BET1L: variants seen among roughly 807,000 people sequenced by gnomAD.
BET1L encodes the protein Bet1 golgi vesicular membrane trafficking protein like, also known as BET1-like protein.
Under a neutral mutation model 12.6 loss-of-function variants are expected in BET1L, and 13 were observed. The ratio of observed to expected loss-of-function variants is 1.03; its 90% CI spans 0.67 to 1.64. The LOEUF (loss-of-function observed/expected upper bound fraction) is 1.64, where lower values mean the gene tolerates loss of function less well. BET1L is among the 40% of genes most tolerant of loss of function. BET1L has a pLI of 0.00. For synonymous variants in BET1L, 60 were observed against 56.9 expected (o/e 1.05, Z -0.25); for missense variants, 154 against 150.7 (o/e 1.02, Z -0.11).
rs1021738610 is a variant in BET1L at position 203,945 on chromosome 11, G to C, written c.*1357C>G. On this transcript the variant is annotated 3_prime_UTR_variant, in exon 4 of 4. Coordinates refer to ENST00000382762, the MANE Select transcript of BET1L (RefSeq NM_001098787.2). ...ATGGATGGAGAAAGGTAGGCTTGCT[G>C]TGTGGAAGGAAGGAGGAGGGGAGGG... The C allele has an allele frequency of 1.3e-5, 2 of 153,536 alleles. No homozygotes were observed. Among genetic ancestry groups the C allele is most frequent in the South Asian group, 4.1e-4 (2 of 4,856 alleles). The allele number at this position is 153,536 out of a possible 1,614,324, so 9.5% of individuals were successfully genotyped here. A position where few individuals can be genotyped will look rare whatever the true frequency, so the allele number is the denominator to read the frequency against.
At position 207,369 on chromosome 11, in the gene BET1L, C is replaced by CGCCTCAGACGTGGCCACAGCT; in HGVS notation, c.-49_-48insAGCTGTGGCCACGTCTGAGGC. On this transcript the variant is annotated 5_prime_UTR_variant, in exon 1 of 4. Coordinates refer to ENST00000382762, the MANE Select transcript of BET1L (RefSeq NM_001098787.2). ...ACGCGGACACCGACGCGGCCACAGC[C>CGCCTCAGACGTGGCCACAGCT]GCCTCAGACGTGGCGCAGTCGCGGG... is the stretch of plus-strand genomic sequence containing the variant. 1 of 1,530,268 alleles carries CGCCTCAGACGTGGCCACAGCT rather than the reference C, an allele frequency of 6.5e-7. No individual in the cohort carries two copies. Among genetic ancestry groups the CGCCTCAGACGTGGCCACAGCT allele is most frequent in the Non-Finnish European group, 8.7e-7 (1 of 1,145,828 alleles). The allele number at this position is 1,530,268 out of a possible 1,614,324, so 94.8% of individuals were successfully genotyped here.
chr11:207,343 G>A lies in BET1L; in HGVS notation c.-22C>T, dbSNP rs777183713. 10 of 1,177,896 alleles carry A rather than the reference G, an allele frequency of 8.5e-6. No individual in the cohort carries two copies. The highest frequency in any genetic ancestry group is 1.3e-5 in the South Asian group (1 of 75,638). 73.0% of individuals were successfully genotyped at this position (1,177,896 alleles called of 1,614,324 possible). A position where few individuals can be genotyped will look rare whatever the true frequency, so the allele number is the denominator to read the frequency against. ...CCATCGTGCCCTGCCCCGGCTCCTC[G>A]ACGCGGACACCGACGCGGCCACAGC... On this transcript the variant is annotated 5_prime_UTR_variant, in exon 1 of 4. Coordinates refer to ENST00000382762, the MANE Select transcript of BET1L (RefSeq NM_001098787.2).
intron 1 of BET1L, 34 bp from the exon 2 acceptor site, chr11:206,077 A>G: frequency 1.3e-6 from 2 of 1,595,470 alleles, no homozygotes; most frequent in African/African-American, 1.3e-5. Flanking sequence ...GGTTGCATCC[A>G]TCGGTGAGCA....
At chr11:205,764 C>T (rs1855135634) in intron 2 of BET1L, 97 bp from the exon 3 acceptor site, 8 of 1,369,860 alleles carry the variant, frequency 5.8e-6, no homozygotes, top group Non-Finnish European at 7.7e-6. Context: ...AACAACTCTG[C>T]CAGACACAGT....
At chr11:207,272 GC>G in intron 1 of BET1L, 30 bp downstream of exon 1, 2 of 1,525,626 alleles carry the variant, frequency 1.3e-6, no homozygotes, top group East Asian at 2.6e-5. Flanking sequence ...GCCCGGCCCT[GC>G]CCCCAACGGC....
At chr11:205,530 AG>A in intron 3 of BET1L, 61 bp from the exon 4 acceptor site, 1 of 1,614,168 alleles carries the variant, frequency 6.2e-7, no homozygotes, top group Admixed American at 1.7e-5. Context: ...CACCCGCACC[AG>A]TGCTGAAGGA....
Position 203,091 on chromosome 11 carries a change from TAC to T in BET1L, c.*2209_*2210del, listed in dbSNP as rs1027148361. On this transcript the variant is annotated 3_prime_UTR_variant, in exon 4 of 4. Coordinates refer to ENST00000382762, the MANE Select transcript of BET1L (RefSeq NM_001098787.2). ...TTTTGGTTTTACTGGTGTCAGGGATTACAGTCAGCAAACCCCACTCATTTACA... is the reference window on the plus strand; with the variant it reads ...TTTTGGTTTTACTGGTGTCAGGGATTAGTCAGCAAACCCCACTCATTTACA... The T allele has an allele frequency of 1.1e-4, 17 of 152,180 alleles. No homozygotes were observed. Among genetic ancestry groups the T allele is most frequent in the African/African-American group, 4.1e-4 (17 of 41,420 alleles). The allele number at this position is 152,180 out of a possible 1,614,324, so 9.4% of individuals were successfully genotyped here. A position where few individuals can be genotyped will look rare whatever the true frequency, so the allele number is the denominator to read the frequency against.
chr11:205,778 G>A (rs1590070347), intron 2 of BET1L, 111 bp from the exon 3 acceptor site: 1 of 1,495,300 alleles, frequency 6.7e-7, no homozygotes, highest in East Asian at 2.3e-5. Flanking sequence ...ACACAGTGGG[G>A]CTGCAGCAGA....
rs1855122893 is a variant in BET1L at position 205,340 on chromosome 11, A to C, written c.298T>G (p.Phe100Val). The change falls in exon 4 of 4, where the codon TTC becomes GTC. Residue 100 changes from phenylalanine to valine, a missense_variant. Phe to Val is a conservative substitution (Grantham distance 50, BLOSUM62 -1). Coordinates refer to ENST00000382762, the MANE Select transcript of BET1L (RefSeq NM_001098787.2). Reference protein sequence around the residue: ...GMAVGLIVAFFILSYFLSRAR... With the variant: ...GMAVGLIVAFVILSYFLSRAR... The stretch of plus-strand genomic sequence containing the variant: ...CTGGACAAGAAGTAGGAGAGGATGA[A>C]GAAGGCCACAATTAGACCCACGGCC... 6.2e-7 allele frequency: 1 copy of C among 1,614,010 alleles called. No homozygotes were observed. The highest frequency in any genetic ancestry group is 2.2e-5 in the East Asian group (1 of 44,884).
chr11:207,308 G>A lies in BET1L; in HGVS notation c.14C>T (p.Ala5Val), dbSNP rs1382961602. 3 of 1,545,322 alleles carry A rather than the reference G, an allele frequency of 1.9e-6. No individual in the cohort carries two copies. The highest frequency in any genetic ancestry group is 1.8e-5 in the Admixed American group (1 of 55,532). The change falls in exon 1 of 4, where the codon GCT becomes GTT. Residue 5 changes from alanine to valine, a missense_variant. By Grantham distance (64) the Ala-to-Val change is moderately conservative. Transcript: ENST00000382762. Reference sequence around the variant, plus strand: ...CTCCGCTCTCCCGCGCTCACCCCGAGCCCAGTCCGCCATCGTGCCCTGCCC... The same window carrying A: ...CTCCGCTCTCCCGCGCTCACCCCGAACCCAGTCCGCCATCGTGCCCTGCCC... MADW[A>V]RAQSPGAVEE...
rs748552890 is a variant in BET1L at position 205,500 on chromosome 11, G to T, written c.169-31C>A. 2.5e-6 allele frequency: 4 copies of T among 1,614,188 alleles called. No individual in the cohort carries two copies. The Admixed American group carries it at 6.7e-5, about 27-fold the overall frequency. Reference sequence around the variant, plus strand: ...GGAGGAATCCCAGCAAGATCACACAGAAGTGGTGATTTGACCACCCACCCG... The same window carrying T: ...GGAGGAATCCCAGCAAGATCACACATAAGTGGTGATTTGACCACCCACCCG... On this transcript the variant is annotated intron_variant, in intron 3 of 3. Coordinates refer to ENST00000382762, the MANE Select transcript of BET1L (RefSeq NM_001098787.2).
chr11:207,322 C>T lies in BET1L; in HGVS notation c.-1G>A. ...GCTCACCCCGAGCCCAGTCCGCCAT[C>T]GTGCCCTGCCCCGGCTCCTCGACGC... On this transcript the variant is annotated 5_prime_UTR_variant, in exon 1 of 4. Coordinates refer to ENST00000382762, the MANE Select transcript of BET1L (RefSeq NM_001098787.2). The T allele has an allele frequency of 6.6e-7, 1 of 1,525,888 alleles. No individual in the cohort carries two copies. The highest frequency in any genetic ancestry group is 8.7e-7 in the Non-Finnish European group (1 of 1,142,954). 94.5% of individuals were successfully genotyped at this position (1,525,888 alleles called of 1,614,324 possible). A position where few individuals can be genotyped will look rare whatever the true frequency, so the allele number is the denominator to read the frequency against.
At chr11:206,747 C>G (rs1855171520) in intron 1 of BET1L, among the ~76,000 whole-genome samples, 1 of 152,284 alleles carries the variant, frequency 6.6e-6, no homozygotes, top group East Asian at 1.9e-4. Flanking sequence ...TGCGTGAGAA[C>G]CACCTCCTCC....
intron 1 of BET1L, chr11:207,079 G>C (rs1590071270): frequency 3.7e-6 from 2 of 547,876 alleles, no homozygotes; most frequent in South Asian, 2.5e-5. Context: ...GCGACCCCTC[G>C]CTGGAGCTGC....
rs1003025084 is a variant in BET1L at position 205,144 on chromosome 11, C to T, written c.*158G>A. ...CAGCCAACATGAGCTCATCAGGTCACAGGCAGCCGCAGCCTCCTGCCACAC... is the reference window on the plus strand; with the variant it reads ...CAGCCAACATGAGCTCATCAGGTCATAGGCAGCCGCAGCCTCCTGCCACAC... On this transcript the variant is annotated 3_prime_UTR_variant, in exon 4 of 4. Transcript: ENST00000382762. 1 of 1,033,574 alleles carries T rather than the reference C, an allele frequency of 9.7e-7. No homozygotes were observed. Among genetic ancestry groups the T allele is most frequent in the Non-Finnish European group, 1.4e-6 (1 of 732,246 alleles). 64.0% of individuals were successfully genotyped at this position (1,033,574 alleles called of 1,614,324 possible).
Position 207,292 on chromosome 11 carries a change from C to A in BET1L, c.19+11G>T, listed in dbSNP as rs1447164944. On this transcript the variant is annotated intron_variant, in intron 1 of 3. Coordinates refer to ENST00000382762, the MANE Select transcript of BET1L (RefSeq NM_001098787.2). ...GCCCTGCCCCCAACGGCTCCGCTCT[C>A]CCGCGCTCACCCCGAGCCCAGTCCG... 6.5e-7 allele frequency: 1 copy of A among 1,540,732 alleles called. No homozygotes were observed. The highest frequency in any genetic ancestry group is 8.7e-7 in the Non-Finnish European group (1 of 1,151,190).
chr11:207,392 G>C lies in BET1L; in HGVS notation c.-71C>G, dbSNP rs968246778. 16 of 1,261,478 alleles carry C rather than the reference G, an allele frequency of 1.3e-5. No individual in the cohort carries two copies. The highest frequency in any genetic ancestry group is 6.6e-5 in the African/African-American group (2 of 30,186). The allele number at this position is 1,261,478 out of a possible 1,614,324, so 78.1% of individuals were successfully genotyped here. ...GCCGCCTCAGACGTGGCGCAGTCGCGGGGAAAGAGCTTCCGGCCCCGCCCC... is the reference window on the plus strand; with the variant it reads ...GCCGCCTCAGACGTGGCGCAGTCGCCGGGAAAGAGCTTCCGGCCCCGCCCC... On this transcript the variant is annotated 5_prime_UTR_variant, in exon 1 of 4. Transcript: ENST00000382762.
At position 206,083 on chromosome 11, in the gene BET1L, G is replaced by A. The variant is rs776417239; in HGVS notation, c.20-40C>T. The A allele has an allele frequency of 9.5e-6, 15 of 1,582,924 alleles. No homozygotes were observed. In the South Asian group the frequency reaches 1.5e-4, roughly 16 times the overall value. ...GGGCTGAAGGGTTGCATCCATCGGT[G>A]AGCACGGCCCCTGACCCCTCTCACT... On this transcript the variant is annotated intron_variant, in intron 1 of 3. Transcript: ENST00000382762.
rs1855124483 is a variant in BET1L at position 205,414 on chromosome 11, G to A, written c.224C>T (p.Ser75Phe). ...GTCTTGTCCGGACCTTGCCATTGTG[G>A]AAAAGCGCTTCACGCTCCCTGTAAG... ...SLLTGSVKRF[S>F]TMARSGQDNR... Residue 75 changes from serine (S) to phenylalanine (F), a missense_variant, in exon 4 of 4, where the codon TCC becomes TTC. By Grantham distance (155) the Ser-to-Phe change is radical. Transcript: ENST00000382762. 5 of 1,614,228 alleles carry A rather than the reference G, an allele frequency of 3.1e-6. No homozygotes were observed. The highest frequency in any genetic ancestry group is 4.2e-6 in the Non-Finnish European group (5 of 1,180,034).
Sources: gnomAD v4.1 joint callset for allele counts (sites outside exome capture counted in the v4.1 genomes callset) on GRCh38, gnomAD v4.1.1 for gene constraint, MANE v1.5 for transcripts, NCBI Gene and HGNC (gene_info 2026-07-23, HGNC 2026-07-21) for gene names.